Variants in PNPLA1 observed in about 807,000 individuals in gnomAD.
PNPLA1 encodes omega-hydroxyceramide transacylase.
In PNPLA1, 36 loss-of-function variants were observed where a neutral mutation model predicts 51.7. The ratio of observed to expected loss-of-function variants is 0.70; its 90% CI spans 0.53 to 0.92. The LOEUF is 0.92. Among genes scored for constraint, PNPLA1 ranks in the 40% least tolerant of loss-of-function variants. PNPLA1 has a pLI of 0.00. For synonymous variants in PNPLA1, 293 were observed against 280.1 expected, an observed-to-expected ratio of 1.05 and a Z score of -0.46; for missense variants, 658 against 682.5, an observed-to-expected ratio of 0.96 and a Z score of 0.40.
At chr6:36,278,844 G>A (rs941166443) in intron 1 of PNPLA1, among the ~76,000 whole-genome samples, 1 of 152,202 alleles carries the variant, frequency 6.6e-6, no homozygotes, top group Non-Finnish European at 1.5e-5. Flanking sequence ...AGTGAGCAAA[G>A]CAGTGGATGT....
At chr6:36,270,912 C>G (rs903345087) in intron 1 of PNPLA1, among the ~76,000 whole-genome samples, 17 of 152,166 alleles carry the variant, frequency 1.1e-4, no homozygotes, top group African/African-American at 3.9e-4. Context: ...GTGCCCTTAC[C>G]TGTGAGATGC....
At chr6:36,293,624 G>T (rs1022881578) in intron 3 of PNPLA1, among the ~76,000 whole-genome samples, 5 of 152,158 alleles carry the variant, frequency 3.3e-5, no homozygotes, top group Non-Finnish European at 7.4e-5. Context: ...CTGGTGGGTG[G>T]GCCACACTCT....
intron 1 of PNPLA1, among the ~76,000 whole-genome samples, chr6:36,280,490 G>A (rs542156232): frequency 2.0e-4 from 30 of 152,278 alleles, no homozygotes; most frequent in African/African-American, 7.0e-4. Flanking sequence ...CATTTTTTAT[G>A]GGAGGCTGTG....
upstream of PNPLA1, among the ~76,000 whole-genome samples, chr6:36,268,591 G>T (rs1769818497): frequency 6.6e-6 from 1 of 152,040 alleles, no homozygotes; most frequent in Non-Finnish European, 1.5e-5. Context: ...CACCTCCGCC[G>T]CACAGCTCCT....
intron 1 of PNPLA1, among the ~76,000 whole-genome samples, chr6:36,263,375 C>G (rs1455229128): frequency 6.6e-6 from 1 of 152,030 alleles, no homozygotes; most frequent in Admixed American, 6.5e-5. Flanking sequence ...AGGCTAAGAA[C>G]AAGGTATTCA....
chr6:36,298,307 C>T (rs1366595676), intron 5 of PNPLA1, among the ~76,000 whole-genome samples: 3 of 152,132 alleles, frequency 2.0e-5, no homozygotes, highest in Admixed American at 6.5e-5. Flanking sequence ...TGAACACTCA[C>T]GCATGAGTCT....
intron 1 of PNPLA1, among the ~76,000 whole-genome samples, chr6:36,273,839 G>C (rs1269403521): frequency 6.6e-6 from 1 of 151,444 alleles, no homozygotes; most frequent in Admixed American, 6.6e-5. Context: ...TGGCCGGGCT[G>C]TGACGGTCAT....
chr6:36,300,581 GGTTT>G (rs1205839524), intron 5 of PNPLA1, among the ~76,000 whole-genome samples: 2 of 152,102 alleles, frequency 1.3e-5, no homozygotes, highest in Non-Finnish European at 2.9e-5. Flanking sequence ...ATTAAGCTGG[GGTTT>G]TGAGTTCTGG....
chr6:36,247,468 C>G (rs1045547213), intron 1 of PNPLA1, among the ~76,000 whole-genome samples: 5 of 152,336 alleles, frequency 3.3e-5, no homozygotes, highest in African/African-American at 1.2e-4. Context: ...ATGTTGACCC[C>G]ACGGGGACAG....
chr6:36,307,049 T>C (rs1771259703), intron 7 of PNPLA1, among the ~76,000 whole-genome samples: 1 of 152,122 alleles, frequency 6.6e-6, no homozygotes, highest in Admixed American at 6.5e-5. Context: ...AGATCAGAAG[T>C]TGGGTCAAGG....
intron 1 of PNPLA1, among the ~76,000 whole-genome samples, chr6:36,258,873 C>T (rs370423945): frequency 6.6e-6 from 1 of 152,348 alleles, no homozygotes; most frequent in East Asian, 1.9e-4. Context: ...TTATCCCAAT[C>T]TCACCTGCAA....
chr6:36,281,031 A>G (rs1350398954), intron 1 of PNPLA1, among the ~76,000 whole-genome samples: 1 of 152,160 alleles, frequency 6.6e-6, no homozygotes, highest in Non-Finnish European at 1.5e-5. Flanking sequence ...GGCCTCAATC[A>G]ATCCGCCTGC....
chr6:36,263,605 G>A (rs111680468), intron 1 of PNPLA1, among the ~76,000 whole-genome samples: 424 of 152,256 alleles, frequency 2.8e-3, no homozygotes, highest in African/African-American at 0.01. Flanking sequence ...GAGAGCAATC[G>A]AGCAACTCCT....
intron 8 of PNPLA1, among the ~76,000 whole-genome samples, chr6:36,311,481 G>T (rs775319493): frequency 1.4e-4 from 21 of 152,226 alleles, no homozygotes; most frequent in Non-Finnish European, 2.5e-4. Context: ...GGCTAATGAG[G>T]CTGGACTTCC....
chr6:36,264,138 A>G (rs1769712871), intron 1 of PNPLA1, among the ~76,000 whole-genome samples: 1 of 152,218 alleles, frequency 6.6e-6, no homozygotes, highest in Admixed American at 6.5e-5. Context: ...TCCATGTGGT[A>G]ACTCAGTCAC....
chr6:36,249,547 G>C (rs973445853), intron 1 of PNPLA1, among the ~76,000 whole-genome samples: 4 of 152,190 alleles, frequency 2.6e-5, no homozygotes, highest in Admixed American at 2.6e-4. Flanking sequence ...GTTGGGACTC[G>C]TAGGTTTTGG....
In PNPLA1 at chr6:36,302,429, T is replaced by C; in HGVS notation, c.1344T>C (p.Ala448=). The change falls in exon 6 of 9, where the codon GCT becomes GCC. Residue 448 remains alanine, a synonymous_variant. Transcript: ENST00000636260. The stretch of plus-strand genomic sequence containing the variant: ...GAAGTTCTCTTTCAGCCTTCCCTGC[T>C]CAGCCACCTGTGGAGGAACTAGGCC... ...LPRSSLSAFP[A]QPPVEELGQE... 6.4e-7 allele frequency: 1 copy of C among 1,564,154 alleles called. No individual in the cohort carries two copies.
At position 36,313,535 on chromosome 6, in the gene PNPLA1, A is replaced by G. The variant is rs1771451048; in HGVS notation, c.*1649A>G. Among the ~76,000 whole-genome samples, 2 of 152,230 alleles carry G rather than the reference A, an allele frequency of 1.3e-5. No homozygotes were observed. Among genetic ancestry groups the G allele is most frequent in the South Asian group, 2.1e-4 (1 of 4,836 alleles). On this transcript the variant is annotated 3_prime_UTR_variant, in exon 9 of 9. Transcript: ENST00000636260. ...AGAGGGTTGGGGCTTGGCTGCGGCA[A>G]CAGACCCCACTTAACACAGCCATTC...
intron 1 of PNPLA1, among the ~76,000 whole-genome samples, chr6:36,258,681 C>G (rs886934294): frequency 2.6e-5 from 4 of 152,176 alleles, no homozygotes; most frequent in African/African-American, 9.7e-5. Flanking sequence ...TTCATCTGCT[C>G]TTTCTTAAAC....
Sources: allele counts gnomAD v4.1 joint callset (sites outside exome capture counted in the v4.1 genomes callset), GRCh38; gene constraint gnomAD v4.1.1; transcripts MANE v1.5; gene names NCBI Gene and HGNC (gene_info 2026-07-23, HGNC 2026-07-21).